The following NCKAP5 variants were observed in gnomAD, a reference collection of about 807,000 sequenced individuals.
NCKAP5 encodes nck-associated protein 5.
Under a neutral mutation model 167.0 loss-of-function variants are expected in NCKAP5, and 92 were observed. The ratio of observed to expected loss-of-function variants is 0.55; its 90% confidence interval spans 0.47 to 0.66. NCKAP5 has a LOEUF of 0.66. Ranked by LOEUF, NCKAP5 falls within the 30% of genes least tolerant of loss-of-function variation. The pLI, the probability that NCKAP5 is intolerant of heterozygous loss-of-function variation, is 0.00. For missense variants in NCKAP5, 2,378 were observed against 2,315.0 expected, an observed-to-expected ratio of 1.03 and a Z score of -0.56; for synonymous variants, 891 against 877.4, an observed-to-expected ratio of 1.02 and a Z score of -0.27.
intron 10 of NCKAP5, among the ~76,000 whole-genome samples, chr2:132,862,761 G>A (rs1270848358): frequency 8.3e-6 from 1 of 119,958 alleles, no homozygotes; most frequent in Non-Finnish European, 1.7e-5. Flanking sequence ...AAAAAACCCA[G>A]TCTCAAAAAA....
intron 3 of NCKAP5, among the ~76,000 whole-genome samples, chr2:133,451,839 G>A (rs1250577477): frequency 2.6e-5 from 4 of 152,184 alleles, no homozygotes; most frequent in Admixed American, 1.3e-4. Context: ...TACTATGGAG[G>A]ATGTCTCTTC....
chr2:132,680,880 C>A (rs1685132915), intron 19 of NCKAP5, among the ~76,000 whole-genome samples: 1 of 152,204 alleles, frequency 6.6e-6, no homozygotes, highest in African/African-American at 2.4e-5. Flanking sequence ...GTCATCATTT[C>A]CAATGCCCAT....
intron 9 of NCKAP5, 66 bp from the exon 10 acceptor site, chr2:132,869,040 T>A (rs181220304): frequency 2.5e-6 from 3 of 1,182,262 alleles, no homozygotes; most frequent in African/African-American, 3.1e-5. Context: ...GACTCTAATT[T>A]ACCAATAAGT....
Position 132,673,141 on chromosome 2 carries a change from A to AT in NCKAP5, c.*147dup, listed in dbSNP as rs1332272255. 1 of 1,356,460 alleles carries AT rather than the reference A, an allele frequency of 7.4e-7. No homozygotes were observed. The highest frequency in any genetic ancestry group is 9.4e-7 in the Non-Finnish European group (1 of 1,058,700). The allele number at this position is 1,356,460 out of a possible 1,614,324, so 84.0% of individuals were successfully genotyped here. A position where few individuals can be genotyped will look rare whatever the true frequency, so the allele number is the denominator to read the frequency against. On this transcript the variant is annotated 3_prime_UTR_variant, in exon 20 of 20. Transcript: ENST00000409261. ...CTGAACTACTCAAAGATGTCTCTTC[A>AT]TTTTTTTCTTTTTCTTCCTTCTGTC...
At chr2:132,689,527 T>C (rs1235166527) in intron 19 of NCKAP5, among the ~76,000 whole-genome samples, 1 of 152,162 alleles carries the variant, frequency 6.6e-6, no homozygotes, top group Non-Finnish European at 1.5e-5. Context: ...GTGTGAGGCT[T>C]GGCTCACACT....
chr2:133,157,556 TTTTC>T (rs1184948562), intron 5 of NCKAP5, among the ~76,000 whole-genome samples: 1 of 152,212 alleles, frequency 6.6e-6, no homozygotes, highest in Non-Finnish European at 1.5e-5. Flanking sequence ...TTTGTGGAGA[TTTTC>T]TTTGTTTCTA....
chr2:132,845,856 T>G (rs1688623150), intron 11 of NCKAP5, among the ~76,000 whole-genome samples: 1 of 152,228 alleles, frequency 6.6e-6, no homozygotes, highest in African/African-American at 2.4e-5. Context: ...CATTTAATTT[T>G]GGATTGGCTC....
chr2:133,623,214 G>A, the NCKAP5 span, among the ~76,000 whole-genome samples: 1 of 152,110 alleles, frequency 6.6e-6, no homozygotes. Context: ...GATAACATCG[G>A]AAAAACTCTT....
chr2:133,063,477 C>G (rs775021148), intron 6 of NCKAP5, among the ~76,000 whole-genome samples: 3 of 152,132 alleles, frequency 2.0e-5, no homozygotes, highest in Non-Finnish European at 2.9e-5. Context: ...CAAGGAGGGC[C>G]TGACCAGATC....
At position 132,961,571 on chromosome 2, in the gene NCKAP5, A is replaced by T. The variant is rs2076511531; in HGVS notation, c.579+2149T>A. Among the ~76,000 whole-genome samples the T allele has an allele frequency of 2.6e-5, 4 of 152,272 alleles. No individual in the cohort carries two copies. In the South Asian group the frequency reaches 8.3e-4, roughly 32 times the overall value. ...TAGTGGGTCTTAATGGCACTTACAG[A>T]TATCATCTATTGCATTCAACTAATG... On this transcript the variant is annotated intron_variant, in intron 8 of 19. Transcript: ENST00000409261.
chr2:133,497,263 A>G (rs1559528085), intron 3 of NCKAP5, among the ~76,000 whole-genome samples: 2 of 152,234 alleles, frequency 1.3e-5, no homozygotes, highest in African/African-American at 4.8e-5. Context: ...TTAAGAAAAA[A>G]TAAAAAGCCC....
rs142860602 is a variant in NCKAP5, at chr2:133,099,297, C to T, written c.341+30681G>A. On this transcript the variant is annotated intron_variant, in intron 6 of 19. Coordinates refer to ENST00000409261, the MANE Select transcript of NCKAP5 (RefSeq NM_207363.3). ...TCTCTGATTTACCCAGTGGTCTCCA[C>T]GGAATTTGTTTTCTGCACCTGAATT... Among the ~76,000 whole-genome samples the T allele has an allele frequency of 5.9e-3, 897 of 152,206 alleles. 3 individuals are homozygous for T. Among genetic ancestry groups the T allele is most frequent in the African/African-American group, 0.02 (845 of 41,536 alleles).
At chr2:132,741,860 A>G (rs1469067485) in intron 16 of NCKAP5, among the ~76,000 whole-genome samples, 2 of 151,960 alleles carry the variant, frequency 1.3e-5, no homozygotes, top group African/African-American at 2.4e-5. Flanking sequence ...TTTTCCCCCA[A>G]TCTAATTACA....
At chr2:132,889,238 T>C (rs1229478341) in intron 8 of NCKAP5, among the ~76,000 whole-genome samples, 1 of 152,166 alleles carries the variant, frequency 6.6e-6, no homozygotes, top group Non-Finnish European at 1.5e-5. Flanking sequence ...AGCTGTGTCC[T>C]CCCCAAATTT....
chr2:133,308,182 G>T (rs975603537), intron 3 of NCKAP5, among the ~76,000 whole-genome samples: 91 of 139,112 alleles, frequency 6.5e-4, no homozygotes, highest in Admixed American at 8.5e-4. Flanking sequence ...TCCGCCTCCC[G>T]GGTTCACGCC....
At chr2:132,692,425 A>G (rs2082177) in intron 19 of NCKAP5, among the ~76,000 whole-genome samples, 99,446 of 151,974 alleles carry the variant, frequency 0.65, 33,770 homozygotes, top group African/African-American at 0.85. Flanking sequence ...AATCCTGCTT[A>G]ATTTTTAAAT....
At chr2:133,032,846 C>A (rs2078925085) in intron 6 of NCKAP5, among the ~76,000 whole-genome samples, 1 of 152,150 alleles carries the variant, frequency 6.6e-6, no homozygotes, top group Admixed American at 6.5e-5. Context: ...AAAGGGGAAG[C>A]AAGCACCTTC....
intron 5 of NCKAP5, among the ~76,000 whole-genome samples, chr2:133,181,273 T>TA (rs1240928667): frequency 1.3e-5 from 2 of 152,026 alleles, no homozygotes; most frequent in Non-Finnish European, 2.9e-5. Context: ...TACTTCTTAG[T>TA]TATGTATATA....
chr2:133,596,880 C>A, the NCKAP5 span, among the ~76,000 whole-genome samples: 1 of 152,228 alleles, frequency 6.6e-6, no homozygotes, highest in African/African-American at 2.4e-5. Flanking sequence ...CCTGAATCAT[C>A]TCAGACCAGT....
Sources: gnomAD v4.1 joint callset for allele counts (sites outside exome capture counted in the v4.1 genomes callset) on GRCh38, gnomAD v4.1.1 for gene constraint, MANE v1.5 for transcripts, NCBI Gene and HGNC (gene_info 2026-07-23, HGNC 2026-07-21) for gene names.